The following OOSP4B variants were observed in gnomAD, a reference collection of about 807,000 sequenced individuals.
The protein encoded by OOSP4B is oocyte-secreted protein 4B.
At chr11:60,022,287 C>T (rs1854698960) in intron 1 of OOSP4B, 2 of 152,156 alleles carry the variant, frequency 1.3e-5, no homozygotes, top group African/African-American at 4.8e-5. Flanking sequence ...CCAAGAAGGA[C>T]ATTGTACCAT....
chr11:60,024,925 T>C, exon 3 of OOSP4B: 1 of 398,398 alleles, frequency 2.5e-6, no homozygotes, highest in Non-Finnish European at 4.4e-6. Context: ...AAACAAATGA[T>C]GACGCCATAT....
intron 1 of OOSP4B, among the ~76,000 whole-genome samples, chr11:60,017,828 C>T (rs1460961457): frequency 6.6e-6 from 1 of 152,162 alleles, no homozygotes; most frequent in African/African-American, 2.4e-5. Context: ...GGGAGGATTA[C>T]AGGCTCTCTT....
rs61649958 is a variant in OOSP4B, at chr11:60,027,655, T to TAAAAAAAAAAAAAA, written c.303-2115_303-2102dup. Among the ~76,000 whole-genome samples the TAAAAAAAAAAAAAA allele has an allele frequency of 3.0e-3, 188 of 62,202 alleles. 13 individuals carry two copies. The highest frequency in any genetic ancestry group is 4.9e-3 in the African/African-American group (106 of 21,586). 40.8% of individuals were successfully genotyped at this position (62,202 alleles called of 152,430 possible). A position where few individuals can be genotyped will look rare whatever the true frequency, so the allele number is the denominator to read the frequency against. ...TCTAAGCAGGTAAAGGCTATGATAT[T>TAAAAAAAAAAAAAA]AAAAAAAAAAAAAAAAAAAAAAAAA... On this transcript the variant is annotated intron_variant, in intron 3 of 4. Coordinates refer to ENST00000642343, the Ensembl canonical transcript of OOSP4B.
intron 1 of OOSP4B, among the ~76,000 whole-genome samples, chr11:60,020,358 G>A (rs2134622632): frequency 6.6e-6 from 1 of 152,290 alleles, no homozygotes; most frequent in African/African-American, 2.4e-5. Context: ...CCACGGTGGG[G>A]GAGGAGGCTC....
rs763877046 is a variant in OOSP4B, at chr11:60,028,165, G to GT, written c.303-1607dup. On this transcript the variant is annotated intron_variant, in intron 3 of 4. Coordinates refer to ENST00000642343, the Ensembl canonical transcript of OOSP4B. ...TGCAGAAAGTAGTTTCGTAGTCACTGTTTTTTTTTTCTTTTTTTGAGACGG... is the reference window on the plus strand; with the variant it reads ...TGCAGAAAGTAGTTTCGTAGTCACTGTTTTTTTTTTTCTTTTTTTGAGACGG... Among the ~76,000 whole-genome samples, 642 of 146,676 alleles carry GT rather than the reference G, an allele frequency of 4.4e-3. 2 individuals carry two copies. Among genetic ancestry groups the GT allele is most frequent in the African/African-American group, 0.015 (581 of 39,894 alleles).
At chr11:60,027,783 T>C (rs536181024) in intron 3 of OOSP4B, among the ~76,000 whole-genome samples, 2 of 147,682 alleles carry the variant, frequency 1.4e-5, no homozygotes, top group South Asian at 2.2e-4. Context: ...CTACTAAAAA[T>C]ACAAAAATTA....
intron 4 of OOSP4B, 74 bp downstream of exon 4, chr11:60,030,003 G>A (rs1025459917): frequency 1.0e-5 from 4 of 396,168 alleles, no homozygotes; most frequent in African/African-American, 2.1e-5. Flanking sequence ...AGGCAATGAT[G>A]TAAATTCCTA....
At chr11:60,028,261 G>A (rs772865311) in intron 3 of OOSP4B, among the ~76,000 whole-genome samples, 3 of 151,656 alleles carry the variant, frequency 2.0e-5, no homozygotes, top group Non-Finnish European at 4.4e-5. Context: ...CGCTTCCTGG[G>A]TTCAAGCGAT....
At chr11:60,023,248 C>T (rs1227254010) in intron 1 of OOSP4B, among the ~76,000 whole-genome samples, 1 of 152,148 alleles carries the variant, frequency 6.6e-6, no homozygotes, top group Admixed American at 6.5e-5. Context: ...CCTCAAGGGG[C>T]TTTTGAGCAC....
chr11:60,027,017 C>A (rs1267617658), intron 3 of OOSP4B, among the ~76,000 whole-genome samples: 1 of 151,902 alleles, frequency 6.6e-6, no homozygotes, highest in Admixed American at 6.6e-5. Context: ...ATTTTAGATC[C>A]AGGGAGTACA....
At chr11:60,030,099 T>C (rs1323126259) in intron 4 of OOSP4B, among the ~76,000 whole-genome samples, 170 bp downstream of exon 4, 1 of 152,200 alleles carries the variant, frequency 6.6e-6, no homozygotes, top group African/African-American at 2.4e-5. Context: ...GATATAGTTA[T>C]CATTTTCTTG....
chr11:60,018,199 G>C (rs1368496328), intron 1 of OOSP4B, among the ~76,000 whole-genome samples: 1 of 152,164 alleles, frequency 6.6e-6, no homozygotes, highest in Non-Finnish European at 1.5e-5. Context: ...TGAGAGGTTT[G>C]CCAAATAAAG....
chr11:60,028,165 GTT>G (rs763877046), intron 3 of OOSP4B, among the ~76,000 whole-genome samples: 1 of 146,686 alleles, frequency 6.8e-6, no homozygotes, highest in Non-Finnish European at 1.5e-5. Flanking sequence ...CGTAGTCACT[GTT>G]TTTTTTTTCT....
intron 3 of OOSP4B, among the ~76,000 whole-genome samples, chr11:60,025,728 C>T (rs1443035149): frequency 6.6e-6 from 1 of 152,124 alleles, no homozygotes; most frequent in Non-Finnish European, 1.5e-5. Context: ...GTTTGCATAT[C>T]TTTGGGTGTA....
At chr11:60,017,269 G>A (rs1854637733) in exon 1 of OOSP4B, 3 of 397,760 alleles carry the variant, frequency 7.5e-6, no homozygotes, top group African/African-American at 4.1e-5. Context: ...GGGTTTCCCT[G>A]GGCTGCCCCA....
At position 60,029,946 on chromosome 11, in the gene OOSP4B, T is replaced by G. The variant is rs901360818; in HGVS notation, c.450+17T>G. On this transcript the variant is annotated intron_variant, in intron 4 of 4. Coordinates refer to ENST00000642343, the Ensembl canonical transcript of OOSP4B. Reference sequence around the variant, plus strand: ...GTTAATAAGGTGAGAATATTAAGGTTGTTTATTTTATAGTTAACCACAATT... The same window carrying G: ...GTTAATAAGGTGAGAATATTAAGGTGGTTTATTTTATAGTTAACCACAATT... The G allele has an allele frequency of 6.3e-5, 25 of 398,060 alleles. No homozygotes were observed. Among genetic ancestry groups the G allele is most frequent in the African/African-American group, 4.9e-4 (24 of 48,620 alleles). 24.7% of individuals were successfully genotyped at this position (398,060 alleles called of 1,614,324 possible). A position where few individuals can be genotyped will look rare whatever the true frequency, so the allele number is the denominator to read the frequency against.
At chr11:60,020,368 C>T (rs1854677540) in intron 1 of OOSP4B, among the ~76,000 whole-genome samples, 4 of 152,258 alleles carry the variant, frequency 2.6e-5, no homozygotes, top group African/African-American at 7.2e-5. Flanking sequence ...GGAGGAGGCT[C>T]AGGCATGGCG....
At chr11:60,020,191 T>G (rs565517629) in intron 1 of OOSP4B, among the ~76,000 whole-genome samples, 1 of 152,332 alleles carries the variant, frequency 6.6e-6, no homozygotes, top group South Asian at 2.1e-4. Context: ...CCCAGTTGGC[T>G]TCACCCAGTG....
At chr11:60,029,030 G>T (rs1343247041) in intron 3 of OOSP4B, among the ~76,000 whole-genome samples, 1 of 152,132 alleles carries the variant, frequency 6.6e-6, no homozygotes. Context: ...AGAAGTAAAG[G>T]CTATTATGCC....
Sources: allele counts gnomAD v4.1 joint callset (sites outside exome capture counted in the v4.1 genomes callset), GRCh38; gene constraint gnomAD v4.1.1; transcripts MANE v1.5; gene names NCBI Gene and HGNC (gene_info 2026-07-23, HGNC 2026-07-21).